The following TLE5 variants were observed in gnomAD, a reference collection of about 807,000 sequenced individuals.
The protein encoded by TLE5 is TLE family member 5, transcriptional modulator.
In TLE5, 7 loss-of-function variants were observed where a neutral mutation model predicts 25.8. The ratio of observed to expected loss-of-function variants is 0.27; its 90% CI spans 0.15 to 0.51. The LOEUF is 0.51. Among genes scored for constraint, TLE5 ranks in the 20% least tolerant of loss-of-function variants. TLE5 has a pLI of 0.97. For missense variants in TLE5, 149 were observed against 250.7 expected (o/e 0.59, Z 2.74); for synonymous variants, 132 against 110.5 (o/e 1.20, Z -1.22).
intron 2 of TLE5, 107 bp downstream of exon 2, chr19:3,061,053 G>C (rs1424606396): frequency 1.2e-5 from 10 of 806,686 alleles, no homozygotes; most frequent in Non-Finnish European, 1.9e-5. Context: ...TCAGAGTCTA[G>C]CATATATTAT....
chr19:3,053,565 C>G lies in TLE5; in HGVS notation c.*254G>C. On this transcript the variant is annotated 3_prime_UTR_variant, in exon 7 of 7. Coordinates refer to ENST00000327141, the MANE Select transcript of TLE5 (RefSeq NM_001130.6). ...TCCCATCTGACCCTCCAGGCCTTAGCTTGCCTCACATGTCAGGGCAGGTAT... is the reference window on the plus strand; with the variant it reads ...TCCCATCTGACCCTCCAGGCCTTAGGTTGCCTCACATGTCAGGGCAGGTAT... 3.5e-6 allele frequency: 2 copies of G among 569,086 alleles called. No homozygotes were observed. 35.3% of individuals were successfully genotyped at this position (569,086 alleles called of 1,614,324 possible). A position where few individuals can be genotyped will look rare whatever the true frequency, so the allele number is the denominator to read the frequency against.
chr19:3,053,688 C>T lies in TLE5; in HGVS notation c.*131G>A, dbSNP rs1053997002. On this transcript the variant is annotated 3_prime_UTR_variant, in exon 7 of 7. Coordinates refer to ENST00000327141, the MANE Select transcript of TLE5 (RefSeq NM_001130.6). Reference sequence around the variant, plus strand: ...CAAGCTGGGCTGGGGCCCCCGCCGGCGGCCACCATAAATACTATGGGAGTT... The same window carrying T: ...CAAGCTGGGCTGGGGCCCCCGCCGGTGGCCACCATAAATACTATGGGAGTT... The T allele has an allele frequency of 1.2e-5, 13 of 1,076,634 alleles. No homozygotes were observed. The highest frequency in any genetic ancestry group is 2.7e-5 in the Admixed American group (1 of 36,878). The allele number at this position is 1,076,634 out of a possible 1,614,324, so 66.7% of individuals were successfully genotyped here.
At chr19:3,056,220 C>A (rs2090216627) in intron 4 of TLE5, 92 bp downstream of exon 4, 23 of 928,076 alleles carry the variant, frequency 2.5e-5, no homozygotes, top group Non-Finnish European at 3.3e-5. Flanking sequence ...GGGCCGGCCG[C>A]TACCTGCCTG....
intron 3 of TLE5, 44 bp downstream of exon 3, chr19:3,057,635 G>C: frequency 6.3e-7 from 1 of 1,594,792 alleles, no homozygotes; most frequent in Non-Finnish European, 8.6e-7. Flanking sequence ...GGAGGGCCCT[G>C]TCGCCCGCCC....
In TLE5 at chr19:3,054,137, G is replaced by C. The variant is rs1246393767; in HGVS notation, c.355C>G (p.Leu119Val). 6.4e-7 allele frequency: 1 copy of C among 1,557,238 alleles called. No individual in the cohort carries two copies. The highest frequency in any genetic ancestry group is 8.7e-7 in the Non-Finnish European group (1 of 1,155,170). The change falls in exon 6 of 7, where the codon CTG becomes GTG. Residue 119 changes from leucine (L) to valine (V), a missense_variant. Physicochemically the swap from Leu to Val is conservative, Grantham distance 32. Transcript: ENST00000327141. The part of the protein sequence containing the change: ...ERAKQVTAPE[L>V]NSIIRQQLQA... The stretch of plus-strand genomic sequence containing the variant: ...ATACATACTCGGATGATAGAGTTCA[G>C]CTCGGGAGCGGTGACCTGCTTGGCC...
intron 1 of TLE5, chr19:3,061,458 G>T: frequency 5.1e-6 from 2 of 393,986 alleles, no homozygotes; most frequent in Non-Finnish European, 9.2e-6. Flanking sequence ...GGGTGGGTGC[G>T]CCCGGAGCCG....
chr19:3,061,234 T>C lies in TLE5; in HGVS notation c.51A>G (p.Gln17=). ...RHSGSSHLPQ[Q]LKFTTSDSCD... ...AGGAGTCCGAGGTGGTGAATTTGAG[T>C]TGCTGGGGTAGGTGCGAGGAGCCCT... The change falls in exon 2 of 7, where the codon CAA becomes CAG. Residue 17 remains glutamine, a synonymous_variant. Transcript: ENST00000327141. 6.2e-7 allele frequency: 1 copy of C among 1,613,466 alleles called. No homozygotes were observed.
At chr19:3,062,733 G>A (rs765783131), upstream of TLE5, 2 of 1,540,818 alleles carry the variant, frequency 1.3e-6, no homozygotes, top group Non-Finnish European at 1.7e-6. Context: ...TTCCCCATCT[G>A]TCAAAGAAAA....
At chr19:3,061,335 C>G in intron 1 of TLE5, 78 bp from the exon 2 acceptor site, 2 of 1,145,916 alleles carry the variant, frequency 1.7e-6, no homozygotes, top group Non-Finnish European at 1.3e-6. Context: ...AGGGAGCGGC[C>G]GCGCAGCTGC....
At chr19:3,054,086 T>TCGGGGGGGGCGCCCC in intron 6 of TLE5, 34 bp downstream of exon 6, 2 of 1,512,814 alleles carry the variant, frequency 1.3e-6, no homozygotes, top group Non-Finnish European at 1.8e-6. Flanking sequence ...GGCCCACCTG[T>TCGGGGGGGGCGCCCC]CCCCCGCCCA....
chr19:3,056,007 CCT>C (rs1224532474), intron 4 of TLE5: 1 of 514,710 alleles, frequency 1.9e-6, no homozygotes, highest in African/African-American at 2.0e-5. Flanking sequence ...CACTCAGGCC[CCT>C]GGCAGGTAGT....
chr19:3,056,162 G>C, intron 4 of TLE5, 150 bp downstream of exon 4: 1 of 548,012 alleles, frequency 1.8e-6, no homozygotes, highest in Non-Finnish European at 3.2e-6. Context: ...AGCTTGGGGA[G>C]GGCTTAGGAG....
intron 3 of TLE5, 135 bp downstream of exon 3, chr19:3,057,544 G>A: frequency 1.2e-6 from 1 of 828,660 alleles, no homozygotes; most frequent in African/African-American, 1.7e-5. Context: ...CCGGCTGAAT[G>A]GAGAACAGGC....
chr19:3,057,412 C>G (rs904405171), intron 3 of TLE5: 24 of 490,436 alleles, frequency 4.9e-5, no homozygotes, highest in Middle Eastern at 5.6e-4. Context: ...TCTCCTCCCT[C>G]CTCCGCTGCC....
At chr19:3,058,351 G>C (rs1352853660) in intron 2 of TLE5, among the ~76,000 whole-genome samples, 1 of 152,176 alleles carries the variant, frequency 6.6e-6, no homozygotes, top group African/African-American at 2.4e-5. Flanking sequence ...GACACCCAGA[G>C]AGGGTGAGGA....
chr19:3,056,326 C>CGATGTTCA lies in TLE5; in HGVS notation c.212_219dup (p.Glu74Ter). On this transcript the variant is annotated stop_gained and frameshift_variant, in exon 4 of 7. Coordinates refer to ENST00000327141, the MANE Select transcript of TLE5 (RefSeq NM_001130.6). LOFTEE classifies it high-confidence loss of function. ...GATGGGCGTACCTGTTTGTGCATCT[C>CGATGTTCA]GATGTTCAAGCCGTAGGACATCTCG... The CGATGTTCA allele has an allele frequency of 6.6e-7, 1 of 1,522,794 alleles. No individual in the cohort carries two copies. Among genetic ancestry groups the CGATGTTCA allele is most frequent in the Non-Finnish European group, 8.8e-7 (1 of 1,135,948 alleles). 94.3% of individuals were successfully genotyped at this position (1,522,794 alleles called of 1,614,324 possible). A position where few individuals can be genotyped will look rare whatever the true frequency, so the allele number is the denominator to read the frequency against.
intron 1 of TLE5, chr19:3,061,519 C>A (rs949286282): frequency 1.1e-5 from 3 of 282,712 alleles, no homozygotes; most frequent in South Asian, 4.7e-5. Context: ...AAGGCCCGCC[C>A]TAGATGGGGG....
intron 2 of TLE5, among the ~76,000 whole-genome samples, chr19:3,058,876 T>G (rs552636278): frequency 3.9e-5 from 6 of 152,278 alleles, no homozygotes; most frequent in African/African-American, 1.4e-4. Context: ...CCACCCCCTC[T>G]CGGACTGGGT....
intron 6 of TLE5, 34 bp downstream of exon 6, chr19:3,054,086 T>TCGGGGGGGGGGGCCCCCCCCCC: frequency 6.6e-7 from 1 of 1,512,808 alleles, no homozygotes; most frequent in Non-Finnish European, 8.9e-7. Context: ...GGCCCACCTG[T>TCGGGGGGGGGGGCCCCCCCCCC]CCCCCGCCCA....
Sources: allele counts gnomAD v4.1 joint callset (sites outside exome capture counted in the v4.1 genomes callset), GRCh38; gene constraint gnomAD v4.1.1; transcripts MANE v1.5; gene names NCBI Gene and HGNC (gene_info 2026-07-23, HGNC 2026-07-21).